The following CENPP variants were observed in gnomAD, a reference collection of about 807,000 sequenced individuals.
CENPP encodes centromere protein P.
A neutral mutation model predicts 35.6 loss-of-function variants in CENPP; 24 were observed. The observed-to-expected ratio is 0.67, with a 90% CI of 0.49 to 0.95. The LOEUF (loss-of-function observed/expected upper bound fraction) is 0.95. Among genes scored for constraint, CENPP ranks in the 40% least tolerant of loss-of-function variants. The probability of loss-of-function intolerance (pLI) is 0.00; values close to 1 mark genes in which losing one functional copy is unlikely to be tolerated. For missense variants in CENPP, 332 were observed against 345.3 expected (o/e 0.96, Z 0.31); for synonymous variants, 120 against 125.5 (o/e 0.96, Z 0.29).
At chr9:92,540,908 A>G (rs917672621) in intron 5 of CENPP, among the ~76,000 whole-genome samples, 1 of 152,178 alleles carries the variant, frequency 6.6e-6, no homozygotes, top group Non-Finnish European at 1.5e-5. Flanking sequence ...GATAAAGTAA[A>G]AAACAAATAT....
intron 5 of CENPP, among the ~76,000 whole-genome samples, chr9:92,553,590 G>A (rs1489937663): frequency 6.6e-6 from 1 of 152,052 alleles, no homozygotes; most frequent in Non-Finnish European, 1.5e-5. Context: ...TTTCAGCAGT[G>A]TTTTGTAGTT....
At chr9:92,583,876 T>G (rs1273882212) in intron 5 of CENPP, among the ~76,000 whole-genome samples, 1 of 152,256 alleles carries the variant, frequency 6.6e-6, no homozygotes, top group Non-Finnish European at 1.5e-5. Flanking sequence ...GTTTGCATAC[T>G]GAAAATTACT....
intron 5 of CENPP, chr9:92,457,037 G>C (rs17591776): frequency 0.039 from 48,638 of 1,232,370 alleles, 1,110 homozygotes; most frequent in South Asian, 0.076. Flanking sequence ...GGTCAAGCAT[G>C]AGATTTATGT....
intron 5 of CENPP, among the ~76,000 whole-genome samples, chr9:92,437,992 G>C (rs1261713572): frequency 6.6e-6 from 1 of 151,660 alleles, no homozygotes; most frequent in Non-Finnish European, 1.5e-5. Context: ...ATTGTTTGTA[G>C]AGATGAGGTC....
chr9:92,447,616 C>T (rs531815028), intron 5 of CENPP, among the ~76,000 whole-genome samples: 1 of 152,168 alleles, frequency 6.6e-6, no homozygotes, highest in Non-Finnish European at 1.5e-5. Context: ...AGACCCCTGG[C>T]ATAGTGAATT....
chr9:92,458,571 G>A (rs1376700509), intron 5 of CENPP, among the ~76,000 whole-genome samples: 1 of 152,140 alleles, frequency 6.6e-6, no homozygotes, highest in Non-Finnish European at 1.5e-5. Flanking sequence ...TTACTTTGTG[G>A]ACATTCATTG....
chr9:92,425,814 T>C (rs1203327993), intron 5 of CENPP, among the ~76,000 whole-genome samples: 1 of 152,200 alleles, frequency 6.6e-6, no homozygotes, highest in Non-Finnish European at 1.5e-5. Context: ...TTCCATATGT[T>C]TTCTGTTAGT....
intron 5 of CENPP, among the ~76,000 whole-genome samples, chr9:92,582,995 G>C (rs1221987632): frequency 6.6e-6 from 1 of 152,144 alleles, no homozygotes. Context: ...GTTGTCTTCT[G>C]CAGAACAGCT....
chr9:92,486,235 A>AACATAGGGT, intron 5 of CENPP, among the ~76,000 whole-genome samples: 1 of 152,280 alleles, frequency 6.6e-6, no homozygotes, highest in South Asian at 2.1e-4. Flanking sequence ...AAATATGCAT[A>AACATAGGGT]ACATAGGGTT....
At chr9:92,479,815 T>A (rs1434321834) in intron 5 of CENPP, among the ~76,000 whole-genome samples, 1 of 152,330 alleles carries the variant, frequency 6.6e-6, no homozygotes, top group Middle Eastern at 3.4e-3. Flanking sequence ...ACTCTTTACC[T>A]GAGTCTCTTG....
intron 6 of CENPP, among the ~76,000 whole-genome samples, chr9:92,612,010 G>C (rs1300992173): frequency 6.6e-6 from 1 of 152,230 alleles, no homozygotes; most frequent in Admixed American, 6.5e-5. Flanking sequence ...ATGAGCAGCT[G>C]CAGTGCAGTT....
chr9:92,332,667 A>G (rs1227260639), intron 2 of CENPP, among the ~76,000 whole-genome samples: 1 of 152,052 alleles, frequency 6.6e-6, no homozygotes, highest in Non-Finnish European at 1.5e-5. Context: ...AATTAGCCGG[A>G]TGTGTTGGTG....
At chr9:92,414,874 A>T (rs995945216) in intron 5 of CENPP, 1 of 275,504 alleles carries the variant, frequency 3.6e-6, no homozygotes, top group African/African-American at 2.2e-5. Context: ...CTTTAACATG[A>T]TATTTCTATA....
At chr9:92,459,605 C>T (rs772999588) in intron 5 of CENPP, 12 of 1,607,558 alleles carry the variant, frequency 7.5e-6, no homozygotes, top group Non-Finnish European at 1.0e-5. Context: ...ATACCAATAT[C>T]TACTGAACAC....
chr9:92,369,433 G>A (rs539934975), intron 4 of CENPP, among the ~76,000 whole-genome samples: 8 of 152,312 alleles, frequency 5.3e-5, no homozygotes, highest in African/African-American at 1.9e-4. Flanking sequence ...GGTAAAGAGA[G>A]AACCTGGTAA....
intron 5 of CENPP, chr9:92,415,232 GATCATCGTGATCTTCACTTTCATC>G: frequency 2.5e-6 from 4 of 1,613,660 alleles, no homozygotes; most frequent in Non-Finnish European, 3.4e-6. Context: ...GCATTGTCAG[GATCATCGTGATCTTCACTTTCATC>G]ATCATCATCT....
intron 5 of CENPP, among the ~76,000 whole-genome samples, chr9:92,609,703 C>A (rs1851182775): frequency 6.6e-6 from 1 of 152,260 alleles, no homozygotes; most frequent in Non-Finnish European, 1.5e-5. Flanking sequence ...GCAATCTGTT[C>A]TCACAAGAGC....
In CENPP at chr9:92,416,106, T is replaced by TATTTA. The variant is rs1371823193; in HGVS notation, c.564+36247_564+36248insATTTA. ...TATTTATTTATTTATTTATTTTATT[T>TATTTA]TTTTTTTTTTTAAGACAGAGTTTTG... is the stretch of plus-strand genomic sequence containing the variant. On this transcript the variant is annotated intron_variant, in intron 5 of 7. Coordinates refer to ENST00000375587, the MANE Select transcript of CENPP (RefSeq NM_001012267.3). Among the ~76,000 whole-genome samples the TATTTA allele has an allele frequency of 4.2e-5, 6 of 142,330 alleles. 1 individual carries two copies. The highest frequency in any genetic ancestry group is 1.6e-4 in the African/African-American group (6 of 38,538). The allele number at this position is 142,330 out of a possible 152,430, so 93.4% of individuals were successfully genotyped here. A position where few individuals can be genotyped will look rare whatever the true frequency, so the allele number is the denominator to read the frequency against.
chr9:92,374,757 C>A (rs1289854561), intron 4 of CENPP, among the ~76,000 whole-genome samples: 2 of 151,996 alleles, frequency 1.3e-5, no homozygotes, highest in Non-Finnish European at 2.9e-5. Context: ...TACAGTGATA[C>A]TTTCTTCATT....
Sources: gnomAD v4.1 joint callset for allele counts (sites outside exome capture counted in the v4.1 genomes callset) on GRCh38, gnomAD v4.1.1 for gene constraint, MANE v1.5 for transcripts, NCBI Gene and HGNC (gene_info 2026-07-23, HGNC 2026-07-21) for gene names.